The following DDX10 variants were observed in gnomAD, a reference collection of about 807,000 sequenced individuals.
The protein encoded by DDX10 is DEAD-box helicase 10.
DDX10 carries 74 observed loss-of-function variants against 104.3 expected under a neutral mutation model. The observed-to-expected ratio is 0.71, with a 90% confidence interval of 0.59 to 0.86. DDX10 has a LOEUF of 0.86. DDX10 is among the 40% of genes least tolerant of loss of function. DDX10 has a pLI of 0.00. For missense variants in DDX10, 952 were observed against 1,040.0 expected (o/e 0.92, Z 1.16); for synonymous variants, 351 against 353.4 (o/e 0.99, Z 0.08).
At chr11:108,673,587 G>A in intron 2 of DDX10, 60 bp downstream of exon 2, 1 of 1,284,584 alleles carries the variant, frequency 7.8e-7, no homozygotes, top group Non-Finnish European at 1.1e-6. Flanking sequence ...TGATAAATGG[G>A]AGAAGATTTA....
At chr11:108,713,557 G>C (rs2094287392) in intron 10 of DDX10, among the ~76,000 whole-genome samples, 1 of 152,014 alleles carries the variant, frequency 6.6e-6, no homozygotes, top group Admixed American at 6.5e-5. Context: ...TGTGCATGCT[G>C]CCTGTTTTAT....
intron 17 of DDX10, among the ~76,000 whole-genome samples, chr11:108,924,899 T>G (rs980742126): frequency 5.3e-5 from 8 of 152,234 alleles, no homozygotes; most frequent in Non-Finnish European, 1.2e-4. Context: ...TTCCAATTAC[T>G]TGAACCTCTC....
chr11:108,860,935 T>G (rs1862933344), intron 16 of DDX10: 1 of 152,040 alleles, frequency 6.6e-6, no homozygotes, highest in African/African-American at 2.4e-5. Context: ...ATAACAGAGA[T>G]GGAACACAGA....
In DDX10 at chr11:108,914,988, G is replaced by GA. The variant is rs368987479; in HGVS notation, c.2305-2875dup. Among the ~76,000 whole-genome samples, 678 of 147,554 alleles carry GA rather than the reference G, an allele frequency of 4.6e-3. 1 individual carries two copies. Among genetic ancestry groups the GA allele is most frequent in the African/African-American group, 0.015 (611 of 40,396 alleles). On this transcript the variant is annotated intron_variant, in intron 16 of 17. Coordinates refer to ENST00000322536, the MANE Select transcript of DDX10 (RefSeq NM_004398.4). ...TAGAAATTGTCCTGTATGAGGAATA[G>GA]AAAAAAAAAATGAAGAAAAAGGAAC...
rs78051681 is a variant in DDX10 at position 108,931,360 on chromosome 11, C to T, written c.2451-8886C>T. Reference sequence around the variant, plus strand: ...TCACATTTACAAACATAAAAATTGGCACCCTGTGACGTTCAGCAGTTTTCC... The same window carrying T: ...TCACATTTACAAACATAAAAATTGGTACCCTGTGACGTTCAGCAGTTTTCC... On this transcript the variant is annotated intron_variant, in intron 17 of 17. Transcript: ENST00000322536. Among the ~76,000 whole-genome samples the T allele has an allele frequency of 6.7e-3, 1,024 of 152,316 alleles. 9 individuals are homozygous for T. The highest frequency in any genetic ancestry group is 0.023 in the African/African-American group (956 of 41,564).
At chr11:108,679,342 A>G (rs371929369) in intron 5 of DDX10, 29 bp from the exon 6 acceptor site, 13 of 1,557,732 alleles carry the variant, frequency 8.3e-6, no homozygotes, top group Non-Finnish European at 1.0e-5. Flanking sequence ...TTTACATATG[A>G]TAGTTCAACT....
At chr11:108,897,665 T>A (rs1407717392) in intron 16 of DDX10, among the ~76,000 whole-genome samples, 1 of 151,998 alleles carries the variant, frequency 6.6e-6, no homozygotes, top group African/African-American at 2.4e-5. Flanking sequence ...GGATTTTAAC[T>A]TTGTTTTAAA....
In DDX10 at chr11:108,917,974, A is replaced by G. The variant is rs757748104; in HGVS notation, c.2406A>G (p.Arg802=). 1.9e-6 allele frequency: 3 copies of G among 1,613,732 alleles called. No homozygotes were observed. Among genetic ancestry groups the G allele is most frequent in the South Asian group, 2.2e-5 (2 of 91,062 alleles). ...PSTLPDPDKY[R]SSEDSDSEDM... is the part of the protein sequence containing the mutation. Reference sequence around the variant, plus strand: ...CACTCCCAGATCCAGATAAATACAGAAGCTCTGAAGATTCAGATAGTGAAG... The same window carrying G: ...CACTCCCAGATCCAGATAAATACAGGAGCTCTGAAGATTCAGATAGTGAAG... Residue 802 remains arginine, a synonymous_variant, in exon 17 of 18, where the codon AGA becomes AGG. Transcript: ENST00000322536.
intron 16 of DDX10, among the ~76,000 whole-genome samples, chr11:108,875,087 A>G (rs1001638610): frequency 2.0e-5 from 3 of 152,182 alleles, no homozygotes; most frequent in African/African-American, 7.2e-5. Context: ...GGAGCCAGGA[A>G]GAGGTTTTGC....
At chr11:108,888,744 A>C (rs1412868170) in intron 16 of DDX10, among the ~76,000 whole-genome samples, 1 of 152,026 alleles carries the variant, frequency 6.6e-6, no homozygotes, top group Admixed American at 6.6e-5. Flanking sequence ...TGGGATATAC[A>C]TATTGATGTG....
At chr11:108,851,796 T>C (rs1364696554) in intron 15 of DDX10, among the ~76,000 whole-genome samples, 1 of 152,170 alleles carries the variant, frequency 6.6e-6, no homozygotes, top group Non-Finnish European at 1.5e-5. Context: ...CCTTTCCATT[T>C]CCTTCCATTG....
chr11:108,916,880 C>G (rs1863757820), intron 16 of DDX10, among the ~76,000 whole-genome samples: 1 of 151,788 alleles, frequency 6.6e-6, no homozygotes, highest in Non-Finnish European at 1.5e-5. Context: ...AAAAGAAGCC[C>G]ACTTACCTAC....
intron 16 of DDX10, among the ~76,000 whole-genome samples, chr11:108,907,084 C>T (rs1362019049): frequency 6.6e-6 from 1 of 152,162 alleles, no homozygotes; most frequent in Non-Finnish European, 1.5e-5. Context: ...TATTCATATG[C>T]CAGCCCTTTG....
At chr11:108,926,297 C>T (rs1345878023) in intron 17 of DDX10, among the ~76,000 whole-genome samples, 1 of 83,438 alleles carries the variant, frequency 1.2e-5, no homozygotes, top group Non-Finnish European at 2.5e-5. Flanking sequence ...CAGACACTCC[C>T]ATGCAGTTAA....
chr11:108,788,432 G>A (rs552982333), intron 13 of DDX10, among the ~76,000 whole-genome samples: 1 of 151,806 alleles, frequency 6.6e-6, no homozygotes, highest in South Asian at 2.1e-4. Context: ...ATGTGATCTC[G>A]GCTCATTGCA....
At chr11:108,918,297 T>C (rs1033914783) in intron 17 of DDX10, 6 of 407,200 alleles carry the variant, frequency 1.5e-5, no homozygotes, top group Non-Finnish European at 2.1e-5. Flanking sequence ...CTATTCTTTT[T>C]TTTTTTTTCT....
intron 16 of DDX10, among the ~76,000 whole-genome samples, chr11:108,903,141 C>A (rs1863540278): frequency 6.6e-6 from 1 of 152,048 alleles, no homozygotes; most frequent in Non-Finnish European, 1.5e-5. Context: ...TGTTGTGCAA[C>A]CACCAGCACC....
chr11:108,678,200 C>A, intron 4 of DDX10, 115 bp from the exon 5 acceptor site: 1 of 1,039,904 alleles, frequency 9.6e-7, no homozygotes, highest in African/African-American at 1.6e-5. Context: ...TGTTTATTTC[C>A]AAGAGTATCT....
intron 15 of DDX10, among the ~76,000 whole-genome samples, chr11:108,848,645 G>C (rs1591834558): frequency 6.6e-6 from 1 of 152,034 alleles, no homozygotes; most frequent in Non-Finnish European, 1.5e-5. Flanking sequence ...CAATATCTTG[G>C]TGTTTGGGCT....
Sources: gnomAD v4.1 joint callset for allele counts (sites outside exome capture counted in the v4.1 genomes callset) on GRCh38, gnomAD v4.1.1 for gene constraint, MANE v1.5 for transcripts, NCBI Gene and HGNC (gene_info 2026-07-23, HGNC 2026-07-21) for gene names.